Variants in MAST2 observed in about 807,000 individuals in gnomAD.
MAST2 encodes microtubule associated serine/threonine kinase 2.
A neutral mutation model predicts 147.4 loss-of-function variants in MAST2; 70 were observed. That is an observed-to-expected ratio of 0.47 (90% CI 0.39 to 0.58). MAST2 has a LOEUF of 0.58. Among genes scored for constraint, MAST2 ranks in the 20% least tolerant of loss-of-function variants. The pLI, the probability that MAST2 is intolerant of heterozygous loss-of-function variation, is 0.00. For synonymous variants in MAST2, 869 were observed against 896.8 expected (o/e 0.97, Z 0.55); for missense variants, 2,080 against 2,302.3 (o/e 0.90, Z 1.98).
At chr1:45,911,613 A>G (rs945234669) in intron 4 of MAST2, among the ~76,000 whole-genome samples, 4 of 152,238 alleles carry the variant, frequency 2.6e-5, no homozygotes, top group African/African-American at 9.6e-5. Flanking sequence ...ATAGGTAACC[A>G]GGTGCCAACA....
At chr1:46,001,138 AG>A (rs1645258677) in intron 6 of MAST2, among the ~76,000 whole-genome samples, 1 of 152,214 alleles carries the variant, frequency 6.6e-6, no homozygotes, top group Non-Finnish European at 1.5e-5. Flanking sequence ...AGAGGCCCAA[AG>A]GGATCTCCCT....
Position 45,821,097 on chromosome 1 carries a change from G to A in MAST2, c.178-3336G>A, listed in dbSNP as rs12119176. ...ATGTGTTTTGCAGAGACAGAGTTTC[G>A]CCATGTTGCCCAGGCTGATCTCAAA... On this transcript the variant is annotated intron_variant, in intron 1 of 28. Coordinates refer to ENST00000361297, the MANE Select transcript of MAST2 (RefSeq NM_015112.3). 3.6e-3 allele frequency among the ~76,000 whole-genome samples: 538 copies of A among 151,536 alleles called. 6 individuals are homozygous for A. The highest frequency in any genetic ancestry group is 0.034 in the East Asian group (174 of 5,148).
At chr1:46,022,150 C>G in intron 12 of MAST2, 68 bp downstream of exon 12, 2 of 1,591,710 alleles carry the variant, frequency 1.3e-6, no homozygotes, top group Non-Finnish European at 1.7e-6. Context: ...AGCAGGGAAG[C>G]TGCTTGGAAA....
chr1:45,805,026 C>T (rs1450163440), intron 1 of MAST2, among the ~76,000 whole-genome samples: 1 of 150,826 alleles, frequency 6.6e-6, no homozygotes, highest in Non-Finnish European at 1.5e-5. Context: ...TCTTTTCTCT[C>T]AGATAAATTA....
intron 6 of MAST2, 48 bp from the exon 7 acceptor site, chr1:46,002,757 C>A: frequency 1.3e-6 from 2 of 1,553,810 alleles, no homozygotes; most frequent in South Asian, 2.2e-5. Flanking sequence ...GGTTGTGGGT[C>A]AGGGTGTAGT....
At chr1:45,870,404 G>T (rs1486411165) in intron 3 of MAST2, among the ~76,000 whole-genome samples, 1 of 151,934 alleles carries the variant, frequency 6.6e-6, no homozygotes, top group South Asian at 2.1e-4. Context: ...AAATGCTCAT[G>T]TATATAATGT....
At chr1:45,980,450 C>T (rs1644363285) in intron 5 of MAST2, among the ~76,000 whole-genome samples, 1 of 152,016 alleles carries the variant, frequency 6.6e-6, no homozygotes, top group Non-Finnish European at 1.5e-5. Flanking sequence ...AGTGTACCCG[C>T]TGAATCTAAA....
At chr1:45,992,805 C>A (rs1041357000) in intron 5 of MAST2, among the ~76,000 whole-genome samples, 5 of 151,994 alleles carry the variant, frequency 3.3e-5, no homozygotes, top group African/African-American at 1.2e-4. Flanking sequence ...TGTCTACCAC[C>A]TCCCTATTTG....
At chr1:45,820,893 C>CTTTTTTTTTTTTTTTTTTTT (rs769508054) in intron 1 of MAST2, among the ~76,000 whole-genome samples, 4 of 43,074 alleles carry the variant, frequency 9.3e-5, no homozygotes, top group Admixed American at 3.4e-4. Flanking sequence ...CTTTCTTTCT[C>CTTTTTTTTTTTTTTTTTTTT]TTTTTTTTTT....
intron 5 of MAST2, among the ~76,000 whole-genome samples, chr1:45,976,614 A>G (rs1217038773): frequency 5.9e-5 from 9 of 152,210 alleles, no homozygotes; most frequent in Admixed American, 5.9e-4. Context: ...TCAATTTGCT[A>G]CGGTTTTTGG....
rs1655688991 is a variant in MAST2, at chr1:45,933,497, T to C, written c.501-25889T>C. On this transcript the variant is annotated intron_variant, in intron 4 of 28. Transcript: ENST00000361297. Reference sequence around the variant, plus strand: ...GCTCACGCCTTTAATCCTAGCACTTTGGGAAGCCAAGGCAGGTAGGTCATC... The same window carrying C: ...GCTCACGCCTTTAATCCTAGCACTTCGGGAAGCCAAGGCAGGTAGGTCATC... Among the ~76,000 whole-genome samples, 4 of 150,636 alleles carry C rather than the reference T, an allele frequency of 2.7e-5. No individual in the cohort carries two copies. The South Asian group carries it at 8.4e-4, about 32-fold the overall frequency.
chr1:45,872,670 G>A (rs983549711), intron 3 of MAST2, among the ~76,000 whole-genome samples: 3 of 152,018 alleles, frequency 2.0e-5, no homozygotes, highest in African/African-American at 7.2e-5. Context: ...TAGAAGAGAC[G>A]GGGTTTCTCC....
At chr1:45,987,777 ATTTTTT>A in intron 5 of MAST2, among the ~76,000 whole-genome samples, 3 of 21,802 alleles carry the variant, frequency 1.4e-4, no homozygotes, top group African/African-American at 4.2e-4. Context: ...TTTTTTTTTG[ATTTTTT>A]TTTTTTTTTT....
intron 4 of MAST2, among the ~76,000 whole-genome samples, chr1:45,905,396 A>T (rs939745457): frequency 6.6e-6 from 1 of 152,016 alleles, no homozygotes; most frequent in African/African-American, 2.4e-5. Flanking sequence ...CATGTTTGTC[A>T]GGCTGGTCTC....
chr1:45,914,719 C>A, intron 4 of MAST2, among the ~76,000 whole-genome samples: 1 of 151,968 alleles, frequency 6.6e-6, no homozygotes, highest in Non-Finnish European at 1.5e-5. Context: ...ATTAATGATT[C>A]TATTAGACCT....
At chr1:45,970,798 G>GTTTTTT (rs770669631) in intron 5 of MAST2, among the ~76,000 whole-genome samples, 6 of 130,698 alleles carry the variant, frequency 4.6e-5, no homozygotes, top group African/African-American at 1.1e-4. Flanking sequence ...ACTAAGAAGT[G>GTTTTTT]TTTTTTTTTT....
chr1:46,032,830 T>C (rs1646731000), intron 26 of MAST2, 112 bp downstream of exon 26: 3 of 1,424,492 alleles, frequency 2.1e-6, no homozygotes, highest in Non-Finnish European at 2.9e-6. Flanking sequence ...ACACCGAGTA[T>C]GGATGTAGGT....
At position 46,030,696 on chromosome 1, in the gene MAST2, C is replaced by A. The variant is rs376559790; in HGVS notation, c.2643C>A (p.Asp881Glu). Residue 881 changes from aspartate to glutamate, a missense_variant, in exon 22 of 29, where the codon GAC becomes GAA. Asp to Glu is a conservative substitution (Grantham distance 45). This residue lies in a region of MAST2 where 1,278 missense variants were observed against 1,304.2 expected (regional missense o/e 0.98). Coordinates refer to ENST00000361297, the MANE Select transcript of MAST2 (RefSeq NM_015112.3). ...GCAGCCTGAGTGAGGAGAAGGAGGA[C>A]CATTCAGATGGCCTGGCAGGGCTCA... ...TKRSLSEEKE[D>E]HSDGLAGLKG... 1.7e-5 allele frequency: 28 copies of A among 1,607,576 alleles called. No homozygotes were observed. The highest frequency in any genetic ancestry group is 2.1e-5 in the Non-Finnish European group (25 of 1,178,052).
At chr1:45,899,419 A>C (rs1649369920) in intron 4 of MAST2, among the ~76,000 whole-genome samples, 1 of 150,246 alleles carries the variant, frequency 6.7e-6, no homozygotes, top group African/African-American at 2.5e-5. Context: ...CCAAATAGTG[A>C]ACATAATACT....
Sources: gnomAD v4.1 joint callset for allele counts (sites outside exome capture counted in the v4.1 genomes callset) on GRCh38, gnomAD v4.1.1 for gene constraint, gnomAD v4.1.1 regional missense constraint, MANE v1.5 for transcripts, NCBI Gene and HGNC (gene_info 2026-07-23, HGNC 2026-07-21) for gene names.